The following RBFOX1 variants were observed in gnomAD, a reference collection of about 807,000 sequenced individuals.
The protein encoded by RBFOX1 is RNA binding protein fox-1 homolog 1.
RBFOX1 carries 8 observed loss-of-function variants against 57.7 expected under a neutral mutation model. That is an observed-to-expected ratio of 0.14 (90% CI 0.08 to 0.25). The LOEUF (loss-of-function observed/expected upper bound fraction) is 0.25. RBFOX1 is among the 10% of genes least tolerant of loss of function. The pLI is 1.00. For synonymous variants in RBFOX1, 326 were observed against 222.4 expected (o/e 1.47, Z -4.15); for missense variants, 611 against 548.5 (o/e 1.11, Z -1.14).
At chr16:7,342,913 T>G (rs2096925574) in intron 4 of RBFOX1, among the ~76,000 whole-genome samples, 1 of 152,156 alleles carries the variant, frequency 6.6e-6, no homozygotes, top group Non-Finnish European at 1.5e-5. Flanking sequence ...CGGAAGTTAA[T>G]TACAAGAAAC....
chr16:5,366,293 C>T (rs62017728), intron 1 of RBFOX1: 12,355 of 363,212 alleles, frequency 0.034, 330 homozygotes, highest in Middle Eastern at 0.065. Context: ...CTGGTCATGA[C>T]GATTTTGATG....
chr16:5,671,138 G>T (rs1290592715), intron 3 of RBFOX1, among the ~76,000 whole-genome samples: 1 of 152,214 alleles, frequency 6.6e-6, no homozygotes, highest in Non-Finnish European at 1.5e-5. Flanking sequence ...CTCTTCTGTG[G>T]ATTCCCTATT....
At chr16:6,680,012 A>C (rs1490651655) in intron 3 of RBFOX1, among the ~76,000 whole-genome samples, 2 of 151,334 alleles carry the variant, frequency 1.3e-5, no homozygotes, top group African/African-American at 2.4e-5. Flanking sequence ...TTATACTCCC[A>C]AATATGACAG....
chr16:6,327,752 T>C (rs1012140015), intron 2 of RBFOX1, among the ~76,000 whole-genome samples: 1 of 152,140 alleles, frequency 6.6e-6, no homozygotes, highest in Non-Finnish European at 1.5e-5. Context: ...CAAGACATGA[T>C]TTCTATACAG....
At chr16:7,221,822 G>C (rs1237011479) in intron 4 of RBFOX1, among the ~76,000 whole-genome samples, 1 of 152,200 alleles carries the variant, frequency 6.6e-6, no homozygotes, top group Non-Finnish European at 1.5e-5. Context: ...AGCACATACA[G>C]AGGCCTGAAA....
intron 3 of RBFOX1, among the ~76,000 whole-genome samples, chr16:6,823,065 C>G (rs113428225): frequency 0.034 from 5,208 of 152,052 alleles, 137 homozygotes; most frequent in Middle Eastern, 0.061. Context: ...GTGTTGAATA[C>G]AATTATTTCC....
chr16:6,797,920 A>C (rs1306618893), intron 3 of RBFOX1, among the ~76,000 whole-genome samples: 1 of 152,134 alleles, frequency 6.6e-6, no homozygotes, highest in East Asian at 1.9e-4. Context: ...TTTCTGTGTC[A>C]GTATTTTCTT....
At chr16:6,358,871 A>G (rs1010657119) in intron 2 of RBFOX1, among the ~76,000 whole-genome samples, 8 of 152,154 alleles carry the variant, frequency 5.3e-5, no homozygotes, top group Admixed American at 1.3e-4. Flanking sequence ...GTGCTGTTTG[A>G]CGAAGATTTA....
chr16:6,229,322 C>G (rs1343889533), intron 1 of RBFOX1, among the ~76,000 whole-genome samples: 1 of 152,246 alleles, frequency 6.6e-6, no homozygotes, highest in Non-Finnish European at 1.5e-5. Flanking sequence ...TGATTCTAAA[C>G]CAGTTCCTCT....
intron 3 of RBFOX1, among the ~76,000 whole-genome samples, chr16:6,901,673 A>T (rs897714871): frequency 1.1e-4 from 16 of 152,156 alleles, no homozygotes; most frequent in Non-Finnish European, 2.9e-5. Context: ...GAGCATACAG[A>T]ATTTTCTGTT....
chr16:7,344,163 G>A lies in RBFOX1; in HGVS notation c.28-173984G>A, dbSNP rs9932150. 4.5e-3 allele frequency among the ~76,000 whole-genome samples: 604 copies of A among 134,378 alleles called. 3 individuals carry two copies. Among genetic ancestry groups the A allele is most frequent in the African/African-American group, 0.016 (579 of 35,512 alleles). The allele number at this position is 134,378 out of a possible 152,430, so 88.2% of individuals were successfully genotyped here. The stretch of plus-strand genomic sequence containing the variant: ...TACTCTGAACTGCAGTTTTCTCTTC[G>A]GTAAAATGGCCCATATTAAAAGTGC... On this transcript the variant is annotated intron_variant, in intron 4 of 15. Coordinates refer to ENST00000550418, the MANE Select transcript of RBFOX1 (RefSeq NM_018723.4).
chr16:7,199,479 G>C (rs1040719125), intron 4 of RBFOX1, among the ~76,000 whole-genome samples: 1 of 152,290 alleles, frequency 6.6e-6, no homozygotes, highest in African/African-American at 2.4e-5. Context: ...ACGCCTGAAG[G>C]TTTGGAAGTT....
intron 4 of RBFOX1, among the ~76,000 whole-genome samples, chr16:7,241,137 C>G (rs1318336712): frequency 6.6e-6 from 1 of 152,128 alleles, no homozygotes; most frequent in East Asian, 1.9e-4. Context: ...CAGAAGTATC[C>G]CCTGCATTTG....
chr16:7,331,743 A>C lies in RBFOX1; in HGVS notation c.28-186404A>C, dbSNP rs988963438. Among the ~76,000 whole-genome samples, 3 of 152,188 alleles carry C rather than the reference A, an allele frequency of 2.0e-5. No homozygotes were observed. The East Asian group carries it at 5.8e-4, about 29-fold the overall frequency. On this transcript the variant is annotated intron_variant, in intron 4 of 15. Transcript: ENST00000550418. ...TCAGAGAGGCTAAGTAACTTGTTCA[A>C]GATCACACAGCTAGTGATTATACTG...
At chr16:6,715,993 G>T (rs1326547050) in intron 3 of RBFOX1, among the ~76,000 whole-genome samples, 1 of 140,590 alleles carries the variant, frequency 7.1e-6, no homozygotes, top group Non-Finnish European at 1.5e-5. Context: ...GCCCAACTCT[G>T]TGGGGCCATT....
At chr16:6,431,882 A>ATGCT (rs530288649) in intron 2 of RBFOX1, among the ~76,000 whole-genome samples, 5,381 of 126,154 alleles carry the variant, frequency 0.043, 220 homozygotes, top group South Asian at 0.052. Context: ...GTCCAGAAAT[A>ATGCT]TGCTTGCTTG....
chr16:5,966,795 T>G (rs1008019384), intron 4 of RBFOX1, among the ~76,000 whole-genome samples: 27 of 152,126 alleles, frequency 1.8e-4, no homozygotes, highest in Non-Finnish European at 3.2e-4. Flanking sequence ...AATTGCAATT[T>G]GAGATGAGAT....
chr16:6,830,937 G>C (rs1290867131), intron 3 of RBFOX1, among the ~76,000 whole-genome samples: 1 of 152,142 alleles, frequency 6.6e-6, no homozygotes, highest in Non-Finnish European at 1.5e-5. Flanking sequence ...AGCCTGTTGT[G>C]AATCCATGGA....
At chr16:7,439,170 G>A (rs2098746385) in intron 4 of RBFOX1, among the ~76,000 whole-genome samples, 1 of 152,130 alleles carries the variant, frequency 6.6e-6, no homozygotes, top group Non-Finnish European at 1.5e-5. Context: ...AGGCCTTCGC[G>A]CTGTGTCGTC....
Sources: allele counts gnomAD v4.1 joint callset (sites outside exome capture counted in the v4.1 genomes callset), GRCh38; gene constraint gnomAD v4.1.1; transcripts MANE v1.5; gene names NCBI Gene and HGNC (gene_info 2026-07-23, HGNC 2026-07-21).